Variants in LIN28B observed in about 807,000 individuals in gnomAD.
The protein encoded by LIN28B is lin-28 RNA binding posttranscriptional regulator B.
A neutral mutation model predicts 21.9 loss-of-function variants in LIN28B; 5 were observed. That is an observed-to-expected ratio of 0.23 (90% CI 0.12 to 0.48). The LOEUF is 0.48. Among genes scored for constraint, LIN28B ranks in the 20% least tolerant of loss-of-function variants. The pLI is 0.98. For missense variants in LIN28B, 245 were observed against 310.5 expected (o/e 0.79, Z 1.58); for synonymous variants, 109 against 111.3 (o/e 0.98, Z 0.13).
At chr6:105,059,714 A>T (rs934158078) in intron 3 of LIN28B, among the ~76,000 whole-genome samples, 1 of 152,176 alleles carries the variant, frequency 6.6e-6, no homozygotes, top group Non-Finnish European at 1.5e-5. Context: ...ACTAAAATGT[A>T]TGACAATACT....
intron 3 of LIN28B, among the ~76,000 whole-genome samples, chr6:105,069,806 A>C (rs1260462081): frequency 6.6e-6 from 1 of 152,216 alleles, no homozygotes; most frequent in Non-Finnish European, 1.5e-5. Flanking sequence ...AGTTAAACTC[A>C]GTAGGTTTTT....
At chr6:105,062,522 A>G (rs1335908679) in intron 3 of LIN28B, among the ~76,000 whole-genome samples, 1 of 152,170 alleles carries the variant, frequency 6.6e-6, no homozygotes, top group Non-Finnish European at 1.5e-5. Flanking sequence ...ATCCTGCTTT[A>G]AAAACTGCAT....
chr6:104,962,131 G>A (rs886899761), intron 2 of LIN28B, among the ~76,000 whole-genome samples: 2 of 152,074 alleles, frequency 1.3e-5, no homozygotes. Flanking sequence ...CTCAGCTTAT[G>A]TGCTTAATAA....
chr6:105,056,113 C>T (rs977219127), intron 3 of LIN28B, among the ~76,000 whole-genome samples: 1 of 151,604 alleles, frequency 6.6e-6, no homozygotes, highest in Non-Finnish European at 1.5e-5. Flanking sequence ...TCATTATGTC[C>T]ATCTTTTCTT....
intron 2 of LIN28B, among the ~76,000 whole-genome samples, chr6:104,967,062 C>CT (rs1769877571): frequency 6.6e-6 from 1 of 152,068 alleles, no homozygotes; most frequent in South Asian, 2.1e-4. Context: ...ATCACCATGC[C>CT]TGGCCTCACT....
chr6:105,060,981 A>G (rs1772113135), intron 3 of LIN28B, among the ~76,000 whole-genome samples: 1 of 151,916 alleles, frequency 6.6e-6, no homozygotes, highest in Admixed American at 6.6e-5. Flanking sequence ...GACTCTAGAA[A>G]GGTACTGAGA....
intron 2 of LIN28B, among the ~76,000 whole-genome samples, chr6:105,021,447 G>T (rs1044770599): frequency 1.3e-5 from 2 of 152,066 alleles, no homozygotes; most frequent in Non-Finnish European, 2.9e-5. Flanking sequence ...TCTTCATGCT[G>T]TTTTCTATAA....
rs77095921 is a variant in LIN28B, at chr6:105,019,484, T to C, written c.199-6814T>C. ...CCTCATATTATTTGCCTTAAGGCCA[T>C]GTTTGCCTGTTTTCACATGTGTAGG... On this transcript the variant is annotated intron_variant, in intron 2 of 3. Coordinates refer to ENST00000345080, the MANE Select transcript of LIN28B (RefSeq NM_001004317.4). 3.1e-3 allele frequency among the ~76,000 whole-genome samples: 469 copies of C among 152,336 alleles called. 6 individuals carry two copies. The highest frequency in any genetic ancestry group is 0.011 in the African/African-American group (448 of 41,584).
chr6:105,016,424 T>G (rs1188872823), intron 2 of LIN28B, among the ~76,000 whole-genome samples: 1 of 152,168 alleles, frequency 6.6e-6, no homozygotes, highest in Non-Finnish European at 1.5e-5. Context: ...TTTAATATTG[T>G]GATTATGTTG....
At chr6:104,982,919 C>T (rs1461820393) in intron 2 of LIN28B, among the ~76,000 whole-genome samples, 1 of 152,102 alleles carries the variant, frequency 6.6e-6, no homozygotes, top group East Asian at 1.9e-4. Flanking sequence ...CCACCTCAGC[C>T]TCTCATGTAG....
In LIN28B at chr6:105,082,693, G is replaced by C. The variant is rs1383062653; in HGVS notation, c.*3910G>C. On this transcript the variant is annotated 3_prime_UTR_variant, in exon 4 of 4. Transcript: ENST00000345080. ...CCTCTTTAAGATGTGGTGGTTGTAT[G>C]ATCTGTGTCTTAATTGTTCAGTTAG... 3 of 152,616 alleles carry C rather than the reference G, an allele frequency of 2.0e-5. No individual in the cohort carries two copies. The highest frequency in any genetic ancestry group is 2.0e-4 in the Admixed American group (3 of 15,274). The allele number at this position is 152,616 out of a possible 1,614,324, so 9.5% of individuals were successfully genotyped here.
At chr6:105,073,121 C>T (rs1772363768) in intron 3 of LIN28B, among the ~76,000 whole-genome samples, 1 of 152,072 alleles carries the variant, frequency 6.6e-6, no homozygotes, top group Non-Finnish European at 1.5e-5. Context: ...CCCACCTCCC[C>T]ACCACCAGCT....
At chr6:104,981,484 TC>T (rs1770224591) in intron 2 of LIN28B, among the ~76,000 whole-genome samples, 1 of 152,228 alleles carries the variant, frequency 6.6e-6, no homozygotes, top group Non-Finnish European at 1.5e-5. Context: ...CTTCTTCTGT[TC>T]CTATCACTTT....
chr6:104,939,680 A>G (rs1024689556), intron 2 of LIN28B: 2 of 152,216 alleles, frequency 1.3e-5, no homozygotes, highest in African/African-American at 4.8e-5. Context: ...CTTTCAAATG[A>G]AAGTGTTTTC....
chr6:105,063,728 G>T (rs1233906979), intron 3 of LIN28B, among the ~76,000 whole-genome samples: 1 of 151,576 alleles, frequency 6.6e-6, no homozygotes, highest in African/African-American at 2.4e-5. Flanking sequence ...AGTGGCACAT[G>T]TCTACTTGAA....
intron 2 of LIN28B, among the ~76,000 whole-genome samples, chr6:105,011,769 C>T (rs142416758): frequency 6.6e-5 from 10 of 152,160 alleles, no homozygotes; most frequent in African/African-American, 2.2e-4. Flanking sequence ...CACTTAAACC[C>T]GGGACGTGGA....
chr6:105,018,523 T>C (rs1260871040), intron 2 of LIN28B, among the ~76,000 whole-genome samples: 2 of 152,160 alleles, frequency 1.3e-5, no homozygotes, highest in Non-Finnish European at 2.9e-5. Context: ...ACACCTCACG[T>C]GTAAAGCTTC....
intron 2 of LIN28B, among the ~76,000 whole-genome samples, chr6:105,021,216 C>T (rs1410410168): frequency 1.3e-5 from 2 of 152,040 alleles, no homozygotes; most frequent in African/African-American, 2.4e-5. Context: ...TTCTTTTTCA[C>T]GGTGGAATAA....
In LIN28B at chr6:104,939,063, AC is replaced by A. The variant is rs544055124; in HGVS notation, c.18+1948del. Among the ~76,000 whole-genome samples the A allele has an allele frequency of 8.5e-5, 13 of 152,330 alleles. No individual in the cohort carries two copies. In the East Asian group the frequency reaches 2.1e-3, roughly 25 times the overall value. On this transcript the variant is annotated intron_variant, in intron 2 of 5. Transcript: ENST00000635857. ...CCTAGAAACATAGCTATTAAAAAAA[AC>A]AGTTCATTCTGTAAGTGCATTTGTA...
Sources: allele counts gnomAD v4.1 joint callset (sites outside exome capture counted in the v4.1 genomes callset), GRCh38; gene constraint gnomAD v4.1.1; transcripts MANE v1.5; gene names NCBI Gene and HGNC (gene_info 2026-07-23, HGNC 2026-07-21).